The following DOCK1 variants were observed in gnomAD, a reference collection of about 807,000 sequenced individuals.
The protein encoded by DOCK1 is dedicator of cytokinesis protein 1.
A neutral mutation model predicts 262.7 loss-of-function variants in DOCK1; 138 were observed. That is an observed-to-expected ratio of 0.53 (90% CI 0.46 to 0.61). The LOEUF is 0.61. DOCK1 is among the 20% of genes least tolerant of loss of function. The pLI, the probability that DOCK1 is intolerant of heterozygous loss-of-function variation, is 0.00. For synonymous variants in DOCK1, 866 were observed against 867.4 expected (o/e 1.00, Z 0.03); for missense variants, 1,908 against 2,370.7 (o/e 0.80, Z 4.05).
intron 11 of DOCK1, 131 bp downstream of exon 11, chr10:127,008,935 T>G: frequency 1.1e-6 from 1 of 911,792 alleles, no homozygotes; most frequent in South Asian, 1.8e-5. Flanking sequence ...AAAAACCTCT[T>G]TAGTCACTGC....
chr10:127,252,907 T>A (rs1013515311), intron 28 of DOCK1, among the ~76,000 whole-genome samples: 5 of 152,192 alleles, frequency 3.3e-5, no homozygotes, highest in African/African-American at 1.2e-4. Flanking sequence ...ACTATTTCCT[T>A]TTAACAAGTA....
chr10:126,941,734 G>T (rs1012586923), intron 1 of DOCK1, among the ~76,000 whole-genome samples: 1 of 151,808 alleles, frequency 6.6e-6, no homozygotes, highest in Non-Finnish European at 1.5e-5. Context: ...CAGCCTGGGC[G>T]ACAGTGCGAG....
chr10:127,048,939 A>T (rs1420240327), intron 21 of DOCK1, among the ~76,000 whole-genome samples: 1 of 152,218 alleles, frequency 6.6e-6, no homozygotes, highest in Non-Finnish European at 1.5e-5. Flanking sequence ...CTTTTCCTGT[A>T]AGTTCAGGAA....
chr10:127,006,117 C>T (rs1177736464), intron 10 of DOCK1, among the ~76,000 whole-genome samples: 1 of 152,178 alleles, frequency 6.6e-6, no homozygotes, highest in Non-Finnish European at 1.5e-5. Flanking sequence ...CCACCTGTGC[C>T]TGTTTGCAGG....
rs551543451 is a variant in DOCK1, at chr10:127,360,357, A to G, written c.3284-1707A>G. Among the ~76,000 whole-genome samples, 3 of 144,626 alleles carry G rather than the reference A, an allele frequency of 2.1e-5. No homozygotes were observed. The East Asian group carries it at 6.2e-4, about 30-fold the overall frequency. The allele number at this position is 144,626 out of a possible 152,430, so 94.9% of individuals were successfully genotyped here. On this transcript the variant is annotated intron_variant, in intron 32 of 51. Transcript: ENST00000623213. ...TGAGCACAATGGCGGCCAACCCACA[A>G]CTAGCAGGAGGGGGAGGGGCTGGCC... is the stretch of plus-strand genomic sequence containing the variant.
chr10:127,169,985 CAG>C (rs1469769565), intron 27 of DOCK1, among the ~76,000 whole-genome samples: 1 of 152,054 alleles, frequency 6.6e-6, no homozygotes, highest in African/African-American at 2.4e-5. Context: ...CCCCTGAACT[CAG>C]GGGGTTCCTT....
chr10:127,362,909 CCA>C lies in DOCK1; in HGVS notation c.3432+706_3432+707del, dbSNP rs1218062230. Among the ~76,000 whole-genome samples, 713 of 90,552 alleles carry C rather than the reference CCA, an allele frequency of 7.9e-3. 44 individuals are homozygous for C. Among genetic ancestry groups the C allele is most frequent in the African/African-American group, 0.028 (504 of 18,082 alleles). The allele number at this position is 90,552 out of a possible 152,430, so 59.4% of individuals were successfully genotyped here. A position where few individuals can be genotyped will look rare whatever the true frequency, so the allele number is the denominator to read the frequency against. On this transcript the variant is annotated intron_variant, in intron 33 of 51. Coordinates refer to ENST00000623213, the MANE Select transcript of DOCK1 (RefSeq NM_001290223.2). The stretch of plus-strand genomic sequence containing the variant: ...CCCACACACACACACATGTACATCT[CCA>C]CACACACATATACACATGCACATCC...
At chr10:127,030,949 G>A (rs2043197310) in intron 16 of DOCK1, among the ~76,000 whole-genome samples, 1 of 152,146 alleles carries the variant, frequency 6.6e-6, no homozygotes, top group African/African-American at 2.4e-5. Flanking sequence ...GGCTATTTTA[G>A]ACAAGATATG....
chr10:127,308,511 G>A (rs975112713), intron 29 of DOCK1, among the ~76,000 whole-genome samples: 7 of 152,170 alleles, frequency 4.6e-5, no homozygotes, highest in African/African-American at 1.7e-4. Flanking sequence ...GAGGTTTGCT[G>A]TACCTATCAA....
At chr10:127,183,389 A>G (rs1030266856) in intron 27 of DOCK1, among the ~76,000 whole-genome samples, 2 of 152,214 alleles carry the variant, frequency 1.3e-5, no homozygotes, top group African/African-American at 4.8e-5. Flanking sequence ...TCATCGTAGT[A>G]TGAAAATGCC....
At chr10:126,908,226 G>A (rs1333564292) in intron 1 of DOCK1, among the ~76,000 whole-genome samples, 4 of 152,226 alleles carry the variant, frequency 2.6e-5, no homozygotes, top group South Asian at 2.1e-4. Flanking sequence ...TGGTTCTCAC[G>A]AAGGATGCTG....
chr10:127,451,017 C>T (rs1481264777), intron 51 of DOCK1, among the ~76,000 whole-genome samples: 1 of 152,132 alleles, frequency 6.6e-6, no homozygotes, highest in Non-Finnish European at 1.5e-5. Context: ...TTATTTATCC[C>T]TTAGACAATA....
chr10:127,399,095 A>G (rs1470837581), intron 38 of DOCK1, among the ~76,000 whole-genome samples: 2 of 152,158 alleles, frequency 1.3e-5, no homozygotes, highest in Non-Finnish European at 2.9e-5. Flanking sequence ...CATCTGGGGG[A>G]AAGCAGGGTG....
At chr10:127,181,940 CT>C (rs1266162766) in intron 27 of DOCK1, among the ~76,000 whole-genome samples, 2 of 152,106 alleles carry the variant, frequency 1.3e-5, no homozygotes, top group Admixed American at 1.3e-4. Context: ...GTTTAATTTT[CT>C]TTATATAGTG....
intron 47 of DOCK1, among the ~76,000 whole-genome samples, chr10:127,429,825 C>T (rs923314425): frequency 8.0e-5 from 12 of 149,502 alleles, no homozygotes; most frequent in Non-Finnish European, 1.2e-4. Flanking sequence ...CACAGCGCCA[C>T]GTTCGGCATT....
chr10:127,192,318 C>T (rs1357032668), intron 27 of DOCK1, among the ~76,000 whole-genome samples: 2 of 152,104 alleles, frequency 1.3e-5, no homozygotes, highest in Non-Finnish European at 2.9e-5. Context: ...ATGTTGTTAG[C>T]CAAAAGGTTT....
At chr10:127,152,679 C>T (rs1040042766) in intron 27 of DOCK1, among the ~76,000 whole-genome samples, 1 of 152,230 alleles carries the variant, frequency 6.6e-6, no homozygotes, top group Non-Finnish European at 1.5e-5. Flanking sequence ...GCTGCATAAC[C>T]GGCAGCAGCT....
At chr10:127,036,674 A>T (rs1205325629) in intron 18 of DOCK1, among the ~76,000 whole-genome samples, 1 of 151,964 alleles carries the variant, frequency 6.6e-6, no homozygotes. Flanking sequence ...CTGACTTCTT[A>T]CCTTAAAGAA....
chr10:127,129,440 C>T (rs1382022246), intron 27 of DOCK1, among the ~76,000 whole-genome samples: 6 of 152,096 alleles, frequency 3.9e-5, no homozygotes, highest in East Asian at 1.9e-4. Context: ...ATTACATAAA[C>T]ATAAATTTGC....
Sources: gnomAD v4.1 joint callset for allele counts (sites outside exome capture counted in the v4.1 genomes callset) on GRCh38, gnomAD v4.1.1 for gene constraint, MANE v1.5 for transcripts, NCBI Gene and HGNC (gene_info 2026-07-23, HGNC 2026-07-21) for gene names.